The following PLPPR4 variants were observed in gnomAD, a reference collection of about 807,000 sequenced individuals.
The protein encoded by PLPPR4 is phospholipid phosphatase related 4.
PLPPR4 carries 24 observed loss-of-function variants against 56.6 expected under a neutral mutation model. The observed-to-expected ratio is 0.42, with a 90% CI of 0.31 to 0.60. The LOEUF is 0.60. PLPPR4 is among the 20% of genes least tolerant of loss of function. The probability of loss-of-function intolerance (pLI) is 0.13; values close to 1 mark genes in which losing one functional copy is unlikely to be tolerated. For missense variants in PLPPR4, 654 were observed against 885.8 expected (o/e 0.74, Z 3.32); for synonymous variants, 326 against 328.1 (o/e 0.99, Z 0.07).
chr1:99,296,187 A>C (rs555871684), intron 2 of PLPPR4, among the ~76,000 whole-genome samples: 75 of 152,280 alleles, frequency 4.9e-4, no homozygotes, highest in African/African-American at 1.8e-3. Context: ...CTCTGATAAG[A>C]TAGCCACTAG....
intron 2 of PLPPR4, among the ~76,000 whole-genome samples, chr1:99,291,720 C>T (rs751815857): frequency 1.1e-4 from 16 of 152,088 alleles, no homozygotes; most frequent in Non-Finnish European, 1.9e-4. Context: ...GGGAGTTGAA[C>T]ATTGAGACCA....
chr1:99,289,013 T>C (rs1268272617), intron 2 of PLPPR4, among the ~76,000 whole-genome samples: 1 of 152,180 alleles, frequency 6.6e-6, no homozygotes, highest in Non-Finnish European at 1.5e-5. Flanking sequence ...TGTGTTAATA[T>C]ACATTGTGAG....
intron 1 of PLPPR4, among the ~76,000 whole-genome samples, chr1:99,281,121 A>G (rs1350402668): frequency 2.6e-5 from 4 of 152,176 alleles, no homozygotes; most frequent in African/African-American, 4.8e-5. Flanking sequence ...TCATGACAGT[A>G]TATGAAGCAT....
intron 2 of PLPPR4, among the ~76,000 whole-genome samples, chr1:99,291,833 A>G (rs1659628488): frequency 1.3e-5 from 2 of 152,030 alleles, no homozygotes; most frequent in Admixed American, 6.6e-5. Flanking sequence ...TATGGGGTGT[A>G]ATACCTGGGT....
In PLPPR4 at chr1:99,294,110, A is replaced by AG. The variant is rs397861723; in HGVS notation, c.265-2626dup. Among the ~76,000 whole-genome samples the AG allele has an allele frequency of 2.0e-5, 3 of 151,624 alleles. No homozygotes were observed. The East Asian group carries it at 5.8e-4, about 29-fold the overall frequency. ...ACACTGTGCCATTCAAAAAAAAAAAAGGAGAAATAAGCTGGGCATTTGGAA... is the reference window on the plus strand; with the variant it reads ...ACACTGTGCCATTCAAAAAAAAAAAAGGGAGAAATAAGCTGGGCATTTGGAA... On this transcript the variant is annotated intron_variant, in intron 2 of 6. Coordinates refer to ENST00000370185, the MANE Select transcript of PLPPR4 (RefSeq NM_014839.5).
chr1:99,294,761 T>C (rs1365852332), intron 2 of PLPPR4, among the ~76,000 whole-genome samples: 1 of 152,050 alleles, frequency 6.6e-6, no homozygotes, highest in East Asian at 1.9e-4. Flanking sequence ...ATGACTATTG[T>C]ATTGTATGAC....
upstream of PLPPR4, chr1:99,264,275 G>C (rs1308872448): frequency 1.7e-6 from 1 of 596,406 alleles, no homozygotes; most frequent in East Asian, 3.0e-5. Flanking sequence ...AGAGCTGAGG[G>C]AGGGTGACAG....
intron 1 of PLPPR4, among the ~76,000 whole-genome samples, chr1:99,283,840 T>C (rs1190853655): frequency 6.6e-6 from 1 of 152,110 alleles, no homozygotes; most frequent in Non-Finnish European, 1.5e-5. Context: ...TAGTCCCAGC[T>C]ACTCAGGAGA....
In PLPPR4 at chr1:99,287,613, G is replaced by T. The variant is rs555857102; in HGVS notation, c.79-352G>T. Among the ~76,000 whole-genome samples the T allele has an allele frequency of 5.3e-5, 8 of 152,216 alleles. No homozygotes were observed. In the East Asian group the frequency reaches 1.4e-3, roughly 26 times the overall value. On this transcript the variant is annotated intron_variant, in intron 1 of 6. Transcript: ENST00000370185. Reference sequence around the variant, plus strand: ...CTGGCATGAGGTGGTACCTCATTGTGGTTTTGATTTGCATTTTTCTGATTA... The same window carrying T: ...CTGGCATGAGGTGGTACCTCATTGTTGTTTTGATTTGCATTTTTCTGATTA...
chr1:99,267,046 C>T (rs184614234), intron 1 of PLPPR4, among the ~76,000 whole-genome samples: 95 of 152,366 alleles, frequency 6.2e-4, no homozygotes, highest in Admixed American at 2.7e-3. Context: ...GAGTGAATCT[C>T]CTTCCATCAC....
Position 99,296,809 on chromosome 1 carries a change from C to A in PLPPR4, c.336C>A (p.Asn112Lys). The A allele has an allele frequency of 6.2e-7, 1 of 1,604,608 alleles. No individual in the cohort carries two copies. Among genetic ancestry groups the A allele is most frequent in the Non-Finnish European group, 8.5e-7 (1 of 1,173,544 alleles). ...KRRNGVGLEPNINAGGCNFNS... is the reference protein window; with the variant it reads ...KRRNGVGLEPKINAGGCNFNS... The stretch of plus-strand genomic sequence containing the variant: ...GAAATGGGGTCGGACTAGAGCCCAA[C>A]ATTAATGCTGGAGGCTGCAACTTCA... Residue 112 changes from asparagine (N) to lysine (K), a missense_variant, in exon 3 of 7, where the codon AAC (asparagine) becomes AAA (lysine). Asn to Lys is a moderately conservative substitution (Grantham distance 94). This residue lies in a region of PLPPR4 where 186 missense variants were observed against 331.4 expected (regional missense o/e 0.56). Transcript: ENST00000370185.
intron 2 of PLPPR4, among the ~76,000 whole-genome samples, chr1:99,293,644 C>T (rs575602240): frequency 1.3e-5 from 2 of 152,230 alleles, no homozygotes; most frequent in Admixed American, 6.5e-5. Flanking sequence ...AATTCTAGCT[C>T]CTGGAATAGC....
chr1:99,292,243 T>A (rs1659641646), intron 2 of PLPPR4, among the ~76,000 whole-genome samples: 1 of 152,208 alleles, frequency 6.6e-6, no homozygotes. Flanking sequence ...ACTATTTATT[T>A]CATGTTGCTT....
chr1:99,271,042 T>G (rs74494124), intron 1 of PLPPR4, among the ~76,000 whole-genome samples: 2,764 of 152,344 alleles, frequency 0.018, 95 homozygotes, highest in African/African-American at 0.063. Context: ...ACTATCTTAC[T>G]GTTTCTTCAT....
intron 4 of PLPPR4, 71 bp from the exon 5 acceptor site, chr1:99,300,838 A>G: frequency 8.9e-7 from 1 of 1,122,828 alleles, no homozygotes; most frequent in South Asian, 1.3e-5. Flanking sequence ...TTAACCACTC[A>G]GTGTCTTTGA....
At position 99,307,020 on chromosome 1, in the gene PLPPR4, A is replaced by T; in HGVS notation, c.*10A>T. On this transcript the variant is annotated 3_prime_UTR_variant, in exon 7 of 7. Coordinates refer to ENST00000370185, the MANE Select transcript of PLPPR4 (RefSeq NM_014839.5). ...GGCTTATAAGGATTGAGTGATGTCC[A>T]TTCCATCATTAGGGCTACTCGCAAA... 1 of 1,575,826 alleles carries T rather than the reference A, an allele frequency of 6.3e-7. No individual in the cohort carries two copies. Among genetic ancestry groups the T allele is most frequent in the Admixed American group, 1.7e-5 (1 of 57,154 alleles).
Position 99,306,073 on chromosome 1 carries a change from A to G in PLPPR4, c.1211A>G (p.Lys404Arg). The G allele has an allele frequency of 6.2e-7, 1 of 1,614,132 alleles. No individual in the cohort carries two copies. Among genetic ancestry groups the G allele is most frequent in the Middle Eastern group, 1.6e-4 (1 of 6,062 alleles). The change falls in exon 7 of 7, where the codon AAG (lysine) becomes AGG (arginine). Residue 404 changes from lysine to arginine, a missense_variant. Lys to Arg is a conservative substitution (Grantham distance 26). Coordinates refer to ENST00000370185, the MANE Select transcript of PLPPR4 (RefSeq NM_014839.5). This position sits in a 1 kb window ranked among gnomAD's most constrained non-coding sequence, Gnocchi z 4.0. ...ARSKQLLTQW[K>R]NKNESRKLSL... ...TCAAAGCAGCTCCTCACCCAGTGGA[A>G]GAATAAGAATGAAAGTCGAAAGTTG...
At chr1:99,277,577 T>C (rs1659223212) in intron 1 of PLPPR4, among the ~76,000 whole-genome samples, 1 of 152,200 alleles carries the variant, frequency 6.6e-6, no homozygotes, top group South Asian at 2.1e-4. Flanking sequence ...TATCCATTTG[T>C]AAACTGCTGA....
intron 3 of PLPPR4, among the ~76,000 whole-genome samples, chr1:99,297,107 T>C (rs1371348869): frequency 6.6e-6 from 1 of 152,142 alleles, no homozygotes; most frequent in Non-Finnish European, 1.5e-5. Context: ...TTTCAATTTA[T>C]TTTTGCCTTA....
Sources: allele counts gnomAD v4.1 joint callset (sites outside exome capture counted in the v4.1 genomes callset), GRCh38; gene constraint gnomAD v4.1.1; regional missense constraint gnomAD v4.1.1; non-coding constraint Gnocchi (gnomAD v3.1); transcripts MANE v1.5; gene names NCBI Gene and HGNC (gene_info 2026-07-23, HGNC 2026-07-21).